Variants in FBXL7 observed in about 807,000 individuals in gnomAD.
FBXL7 encodes F-box/LRR-repeat protein 7.
In FBXL7, 12 loss-of-function variants were observed where a neutral mutation model predicts 38.3. The observed-to-expected ratio is 0.31, with a 90% CI of 0.20 to 0.51. FBXL7 has a LOEUF of 0.51. FBXL7 is among the 20% of genes least tolerant of loss of function. The pLI, the probability that FBXL7 is intolerant of heterozygous loss-of-function variation, is 0.98. For synonymous variants in FBXL7, 297 were observed against 300.9 expected, an observed-to-expected ratio of 0.99 and a Z score of 0.13; for missense variants, 567 against 676.4, an observed-to-expected ratio of 0.84 and a Z score of 1.79.
chr5:15,850,287 C>T (rs1304377710), intron 2 of FBXL7, among the ~76,000 whole-genome samples: 2 of 152,186 alleles, frequency 1.3e-5, no homozygotes, highest in African/African-American at 2.4e-5. Flanking sequence ...AGATCACAAA[C>T]GTGATTCCAG....
At chr5:15,801,669 G>C (rs1462161509) in intron 2 of FBXL7, among the ~76,000 whole-genome samples, 1 of 76,762 alleles carries the variant, frequency 1.3e-5, no homozygotes, top group Non-Finnish European at 3.6e-5. Context: ...GCGCGCGCGT[G>C]TGTGTGTGTT....
intron 2 of FBXL7, among the ~76,000 whole-genome samples, chr5:15,916,644 C>T (rs777758089): frequency 1.3e-5 from 2 of 152,030 alleles, no homozygotes; most frequent in South Asian, 2.1e-4. Flanking sequence ...CTACCATATC[C>T]GAGGAAAACA....
intron 2 of FBXL7, among the ~76,000 whole-genome samples, chr5:15,748,645 G>A (rs997024500): frequency 1.3e-5 from 2 of 152,144 alleles, no homozygotes; most frequent in Non-Finnish European, 2.9e-5. Context: ...AAATTACCCA[G>A]TCTCGAATAT....
intron 2 of FBXL7, among the ~76,000 whole-genome samples, chr5:15,829,463 A>C (rs1456930234): frequency 9.7e-6 from 1 of 103,394 alleles, no homozygotes; most frequent in African/African-American, 4.1e-5. Context: ...ATGCAAAATA[A>C]AAGTTGAAAT....
chr5:15,595,875 A>G (rs1407570354), intron 1 of FBXL7, among the ~76,000 whole-genome samples: 1 of 152,198 alleles, frequency 6.6e-6, no homozygotes, highest in Non-Finnish European at 1.5e-5. Flanking sequence ...GGACAGTTAT[A>G]CAGTCCTTAC....
chr5:15,626,753 G>T (rs1365419572), intron 2 of FBXL7, among the ~76,000 whole-genome samples: 5 of 151,986 alleles, frequency 3.3e-5, no homozygotes, highest in African/African-American at 1.2e-4. Context: ...TCCAAAAAAA[G>T]CACCAAAAAA....
chr5:15,586,852 A>G (rs1037352263), intron 1 of FBXL7, among the ~76,000 whole-genome samples: 7 of 152,104 alleles, frequency 4.6e-5, no homozygotes, highest in African/African-American at 1.7e-4. Context: ...GACCGTTTAA[A>G]TTTTCTTTTT....
At chr5:15,657,200 T>C (rs1181813239) in intron 2 of FBXL7, among the ~76,000 whole-genome samples, 1 of 152,150 alleles carries the variant, frequency 6.6e-6, no homozygotes, top group Non-Finnish European at 1.5e-5. Context: ...AATTTAAGTC[T>C]TTTTTTCTTT....
intron 2 of FBXL7, among the ~76,000 whole-genome samples, chr5:15,871,233 A>C (rs1287328537): frequency 1.3e-5 from 2 of 152,248 alleles, no homozygotes; most frequent in Admixed American, 6.5e-5. Context: ...GAAAACTAAC[A>C]AACAAAAAGC....
chr5:15,636,437 A>G (rs1299533224), intron 2 of FBXL7, among the ~76,000 whole-genome samples: 4 of 152,150 alleles, frequency 2.6e-5, no homozygotes, highest in Non-Finnish European at 4.4e-5. Context: ...GTTTTGTAAC[A>G]TCTTGCCAGT....
chr5:15,604,604 C>T lies in FBXL7; in HGVS notation c.38-11379C>T, dbSNP rs868465984. On this transcript the variant is annotated intron_variant, in intron 1 of 3. Coordinates refer to ENST00000504595, the MANE Select transcript of FBXL7 (RefSeq NM_012304.5). ...TCCTGACCTCAAGTGATCCACCTAC[C>T]TCGGCCTCCCAAAGTGCTGGGATTA... Among the ~76,000 whole-genome samples, 23 of 152,144 alleles carry T rather than the reference C, an allele frequency of 1.5e-4. 1 individual carries two copies. In the South Asian group the frequency reaches 2.7e-3, roughly 18 times the overall value.
intron 2 of FBXL7, among the ~76,000 whole-genome samples, chr5:15,902,589 C>T (rs1350560455): frequency 6.6e-6 from 1 of 152,204 alleles, no homozygotes; most frequent in African/African-American, 2.4e-5. Context: ...CCATTGGTGA[C>T]AGTGGCTTTC....
At chr5:15,906,786 G>A (rs867184603) in intron 2 of FBXL7, among the ~76,000 whole-genome samples, 1,311 of 50,366 alleles carry the variant, frequency 0.026, 84 homozygotes, top group African/African-American at 0.1. Context: ...TTGTTCTTGC[G>A]ATAGTTTACT....
At chr5:15,672,268 A>G (rs1742503291) in intron 2 of FBXL7, among the ~76,000 whole-genome samples, 1 of 152,234 alleles carries the variant, frequency 6.6e-6, no homozygotes, top group Admixed American at 6.5e-5. Flanking sequence ...TCTTCCAGGA[A>G]CATTAGCAAG....
chr5:15,748,282 G>C (rs1482002726), intron 2 of FBXL7, among the ~76,000 whole-genome samples: 1 of 152,174 alleles, frequency 6.6e-6, no homozygotes, highest in Non-Finnish European at 1.5e-5. Flanking sequence ...AAAGAACTTT[G>C]CCTTGTACTT....
At chr5:15,503,747 T>A (rs944406043) in intron 1 of FBXL7, among the ~76,000 whole-genome samples, 3 of 152,236 alleles carry the variant, frequency 2.0e-5, no homozygotes, top group Non-Finnish European at 4.4e-5. Context: ...AAGTTTTTCT[T>A]TTAATAGATA....
chr5:15,585,974 T>A (rs1333867573), intron 1 of FBXL7, among the ~76,000 whole-genome samples: 1 of 152,180 alleles, frequency 6.6e-6, no homozygotes, highest in African/African-American at 2.4e-5. Context: ...AACTTAGGAA[T>A]CAAGAAAATA....
chr5:15,649,020 C>T (rs1236844823), intron 2 of FBXL7, among the ~76,000 whole-genome samples: 2 of 151,334 alleles, frequency 1.3e-5, no homozygotes, highest in Admixed American at 1.3e-4. Context: ...GTTTTGAGAC[C>T]GAGTCTCACT....
chr5:15,523,646 G>A (rs554666675), intron 1 of FBXL7, among the ~76,000 whole-genome samples: 1 of 152,270 alleles, frequency 6.6e-6, no homozygotes, highest in Non-Finnish European at 1.5e-5. Context: ...CCAGGGTGAA[G>A]GCTGCTTCTG....
Sources: allele counts gnomAD v4.1 joint callset (sites outside exome capture counted in the v4.1 genomes callset), GRCh38; gene constraint gnomAD v4.1.1; transcripts MANE v1.5; gene names NCBI Gene and HGNC (gene_info 2026-07-23, HGNC 2026-07-21).